RNF157: variants seen among roughly 807,000 people sequenced by gnomAD.
RNF157 encodes E3 ubiquitin ligase RNF157.
RNF157 carries 55 observed loss-of-function variants against 88.3 expected under a neutral mutation model. The ratio of observed to expected loss-of-function variants is 0.62; its 90% confidence interval spans 0.50 to 0.78. RNF157 has a LOEUF of 0.78. RNF157 is among the 30% of genes least tolerant of loss of function. RNF157 has a pLI of 0.00. For missense variants in RNF157, 788 were observed against 860.8 expected (o/e 0.92, Z 1.06); for synonymous variants, 334 against 341.2 (o/e 0.98, Z 0.23).
intron 1 of RNF157, chr17:76,225,876 T>C: frequency 1.9e-6 from 3 of 1,613,632 alleles, no homozygotes; most frequent in Non-Finnish European, 2.5e-6. Flanking sequence ...TCCAGCTCTT[T>C]GCACTCGCCA....
chr17:76,220,877 G>C (rs912327371), intron 1 of RNF157, among the ~76,000 whole-genome samples: 4 of 151,638 alleles, frequency 2.6e-5, no homozygotes, highest in Non-Finnish European at 1.5e-5. Flanking sequence ...AGAATCACTT[G>C]AACCGGGGAG....
chr17:76,192,015 G>A (rs1568052076), intron 2 of RNF157, among the ~76,000 whole-genome samples: 1 of 152,158 alleles, frequency 6.6e-6, no homozygotes, highest in Non-Finnish European at 1.5e-5. Context: ...CTCTTTAAAT[G>A]CTGAAAAAGT....
chr17:76,169,956 A>C (rs1169971520), intron 3 of RNF157, among the ~76,000 whole-genome samples: 1 of 152,146 alleles, frequency 6.6e-6, no homozygotes, highest in Non-Finnish European at 1.5e-5. Context: ...CACATCTAAG[A>C]ATCTGTGGCT....
chr17:76,156,430 A>G, intron 13 of RNF157, 109 bp from the exon 14 acceptor site: 1 of 1,526,424 alleles, frequency 6.6e-7, no homozygotes, highest in Non-Finnish European at 8.8e-7. Flanking sequence ...GAAAGGCGAC[A>G]CTGGGAGGGA....
intron 17 of RNF157, chr17:76,153,085 A>T (rs1241414199): frequency 6.6e-6 from 1 of 151,854 alleles, no homozygotes; most frequent in East Asian, 1.9e-4. Context: ...GAAAAGTTTT[A>T]AAAGTTGTTT....
intron 2 of RNF157, among the ~76,000 whole-genome samples, chr17:76,192,284 C>T (rs2069400220): frequency 6.6e-6 from 1 of 152,166 alleles, no homozygotes; most frequent in South Asian, 2.1e-4. Flanking sequence ...TGGCACTTTT[C>T]GAGTCAGCAA....
chr17:76,226,559 T>C (rs1194101995), intron 1 of RNF157: 5 of 1,613,504 alleles, frequency 3.1e-6, no homozygotes, highest in Non-Finnish European at 3.4e-6. Flanking sequence ...CAACATCCAA[T>C]GTGTCCCAGA....
At chr17:76,214,735 G>C (rs1309726648) in intron 1 of RNF157, among the ~76,000 whole-genome samples, 2 of 152,102 alleles carry the variant, frequency 1.3e-5, no homozygotes, top group Non-Finnish European at 2.9e-5. Context: ...TTCTTAATCA[G>C]CCAGGAGGCA....
intron 3 of RNF157, among the ~76,000 whole-genome samples, chr17:76,169,777 C>T (rs2068986212): frequency 6.6e-6 from 1 of 151,900 alleles, no homozygotes; most frequent in Non-Finnish European, 1.5e-5. Context: ...GATGGGGTTT[C>T]TCCATGTTGG....
At chr17:76,194,792 G>C (rs1417654339) in intron 2 of RNF157, among the ~76,000 whole-genome samples, 1 of 152,166 alleles carries the variant, frequency 6.6e-6, no homozygotes, top group Non-Finnish European at 1.5e-5. Flanking sequence ...AAGGTGGGCA[G>C]ATCACGAGGT....
At position 76,212,394 on chromosome 17, in the gene RNF157, A is replaced by G. The variant is rs1024952659; in HGVS notation, c.177T>C (p.Asp59=). 6 of 1,613,840 alleles carry G rather than the reference A, an allele frequency of 3.7e-6. No individual in the cohort carries two copies. Among genetic ancestry groups the G allele is most frequent in the Non-Finnish European group, 4.2e-6 (5 of 1,179,714 alleles). ...PEGYLFGENS[D]LNFLGNRPVV... ...CTGGTCTGTTCCCCAGAAAGTTCAG[A>G]TCGCTGTTCTCTCCAAACAGGTAAC... is the stretch of plus-strand genomic sequence containing the variant. The change falls in exon 2 of 19, where the codon GAT becomes GAC. Residue 59 remains aspartate, a synonymous_variant. Transcript: ENST00000269391.
chr17:76,187,724 G>A (rs2069317778), intron 2 of RNF157, among the ~76,000 whole-genome samples: 1 of 152,114 alleles, frequency 6.6e-6, no homozygotes, highest in Admixed American at 6.5e-5. Flanking sequence ...TTCTCGAGTA[G>A]CTGGGATTAC....
intron 2 of RNF157, among the ~76,000 whole-genome samples, chr17:76,177,300 G>A (rs2069119760): frequency 6.7e-6 from 1 of 150,096 alleles, no homozygotes; most frequent in Non-Finnish European, 1.5e-5. Context: ...ACACGGAAAA[G>A]CCCTCCCACC....
chr17:76,178,515 G>A (rs1568042128), intron 2 of RNF157, among the ~76,000 whole-genome samples: 1 of 152,374 alleles, frequency 6.6e-6, no homozygotes, highest in East Asian at 1.9e-4. Context: ...GGCTGGTAGT[G>A]TGAGCTGAGT....
chr17:76,236,428 T>C (rs977113901), intron 1 of RNF157, among the ~76,000 whole-genome samples: 1 of 152,218 alleles, frequency 6.6e-6, no homozygotes, highest in Admixed American at 6.5e-5. Flanking sequence ...AAGCCATACC[T>C]TTCTTTGCTA....
chr17:76,168,537 C>A (rs1264277424), intron 3 of RNF157, among the ~76,000 whole-genome samples: 1 of 151,770 alleles, frequency 6.6e-6, no homozygotes, highest in African/African-American at 2.4e-5. Flanking sequence ...ATGCACCAAG[C>A]GGTCTATTCA....
chr17:76,172,895 G>T (rs2144877891), intron 3 of RNF157, among the ~76,000 whole-genome samples: 1 of 152,068 alleles, frequency 6.6e-6, no homozygotes, highest in Middle Eastern at 3.4e-3. Flanking sequence ...GCACCAAGAA[G>T]GCAAATGACG....
chr17:76,187,185 C>T (rs905871628), intron 2 of RNF157, among the ~76,000 whole-genome samples: 19 of 151,378 alleles, frequency 1.3e-4, no homozygotes, highest in Non-Finnish European at 2.4e-4. Flanking sequence ...TTTTTTTCTT[C>T]TTCTTTTTTT....
chr17:76,147,755 G>A (rs928892191), intron 18 of RNF157, among the ~76,000 whole-genome samples: 2 of 152,194 alleles, frequency 1.3e-5, no homozygotes, highest in East Asian at 1.9e-4. Flanking sequence ...GGGTGCTGAG[G>A]GGCCTTCCAG....
Sources: allele counts gnomAD v4.1 joint callset (sites outside exome capture counted in the v4.1 genomes callset), GRCh38; gene constraint gnomAD v4.1.1; transcripts MANE v1.5; gene names NCBI Gene and HGNC (gene_info 2026-07-23, HGNC 2026-07-21).